PMEL: variants seen among roughly 807,000 people sequenced by gnomAD.
The protein encoded by PMEL is premelanosome protein.
PMEL carries 53 observed loss-of-function variants against 64.9 expected under a neutral mutation model. That is an observed-to-expected ratio of 0.82 (90% CI 0.66 to 1.03). The LOEUF (loss-of-function observed/expected upper bound fraction) is 1.03. Among genes scored for constraint, PMEL ranks in the 50% least tolerant of loss-of-function variants. PMEL has a pLI of 0.00. For missense variants in PMEL, 716 were observed against 814.9 expected (o/e 0.88, Z 1.48); for synonymous variants, 299 against 316.2 (o/e 0.95, Z 0.58).
chr12:55,958,155 A>G, intron 4 of PMEL, 71 bp from the exon 5 acceptor site: 1 of 1,506,674 alleles, frequency 6.6e-7, no homozygotes, highest in Non-Finnish European at 9.1e-7. Context: ...ACAGGCTTCG[A>G]AACGGCACTG....
chr12:55,957,098 G>A lies in PMEL; in HGVS notation c.1205C>T (p.Pro402Leu). The A allele has an allele frequency of 6.2e-7, 1 of 1,614,214 alleles. No homozygotes were observed. The highest frequency in any genetic ancestry group is 8.5e-7 in the Non-Finnish European group (1 of 1,180,044). ...AAGCACCACAATTGATACCTCTGCAGGTGTCATACCTGTAGCCTCTGGAGT... is the reference window on the plus strand; with the variant it reads ...AAGCACCACAATTGATACCTCTGCAAGTGTCATACCTGTAGCCTCTGGAGT... The part of the protein sequence containing the change: ...MSTPEATGMT[P>L]AEVSIVVLSG... The change falls in exon 6 of 11, where the codon CCT (proline) becomes CTT (leucine). Residue 402 changes from proline to leucine, a missense_variant. Transcript: ENST00000548747.
Position 55,961,740 on chromosome 12 carries a change from GA to G in PMEL, c.77-9del. The G allele has an allele frequency of 6.3e-7, 1 of 1,597,568 alleles. No homozygotes were observed. The highest frequency in any genetic ancestry group is 8.6e-7 in the Non-Finnish European group (1 of 1,164,926). Reference sequence around the variant, plus strand: ...AGTCCTGGTTTCTGGGTACTAAAAGGAATGTGCCATGAAGGGCCCTAGGATC... The same window carrying G: ...AGTCCTGGTTTCTGGGTACTAAAAGGATGTGCCATGAAGGGCCCTAGGATC... On this transcript the variant is annotated splice_polypyrimidine_tract_variant and intron_variant, in intron 1 of 10. Coordinates refer to ENST00000548747, the MANE Select transcript of PMEL (RefSeq NM_001384361.1).
At chr12:55,966,094 C>T (rs2069391), upstream of PMEL, 121,724 of 1,604,622 alleles carry the variant, frequency 0.076, 4,920 homozygotes, top group African/African-American at 0.09. Flanking sequence ...ATTTGCATAG[C>T]CCTTCCTCTT....
intron 1 of PMEL, among the ~76,000 whole-genome samples, chr12:55,962,835 T>G (rs1348967456): frequency 6.6e-6 from 1 of 151,870 alleles, no homozygotes; most frequent in Non-Finnish European, 1.5e-5. Flanking sequence ...CTCGCCTGTT[T>G]TGTTTTAAAT....
At chr12:55,958,449 T>C (rs368185193) in intron 4 of PMEL, 24 bp downstream of exon 4, 3 of 1,610,038 alleles carry the variant, frequency 1.9e-6, no homozygotes, top group Non-Finnish European at 2.5e-6. Context: ...GTGTGGATGA[T>C]AGGCTGAGAA....
intron 4 of PMEL, 101 bp downstream of exon 4, chr12:55,958,372 A>G (rs1423659361): frequency 8.2e-7 from 1 of 1,219,748 alleles, no homozygotes; most frequent in Non-Finnish European, 1.2e-6. Flanking sequence ...ATTAGAGAAA[A>G]TCACAGAAGT....
At position 55,957,244 on chromosome 12, in the gene PMEL, C is replaced by T; in HGVS notation, c.1059G>A (p.Val353=). 5 of 1,614,146 alleles carry T rather than the reference C, an allele frequency of 3.1e-6. No individual in the cohort carries two copies. The highest frequency in any genetic ancestry group is 3.3e-5 in the Admixed American group (2 of 60,028). The change falls in exon 6 of 11, where the codon GTG becomes GTA. Residue 353 remains valine (V), a synonymous_variant. Coordinates refer to ENST00000548747, the MANE Select transcript of PMEL (RefSeq NM_001384361.1). ...CAGTGCTTATGACTTCAGTGGTTGG[C>T]ACCTGCACAGATGTGGTTCCAGAGG... The part of the protein sequence containing the change: ...AEPSGTTSVQ[V]PTTEVISTAP...
intron 3 of PMEL, among the ~76,000 whole-genome samples, chr12:55,959,568 T>A (rs960965393): frequency 4.6e-5 from 7 of 151,314 alleles, no homozygotes; most frequent in African/African-American, 7.3e-5. Context: ...ACTTTGGGAG[T>A]CTGAAGCGGT....
chr12:55,955,258 G>A lies in PMEL; in HGVS notation c.1850+16C>T. 6.4e-7 allele frequency: 1 copy of A among 1,552,408 alleles called. No homozygotes were observed. The highest frequency in any genetic ancestry group is 8.9e-7 in the Non-Finnish European group (1 of 1,125,838). On this transcript the variant is annotated intron_variant, in intron 10 of 10. Coordinates refer to ENST00000548747, the MANE Select transcript of PMEL (RefSeq NM_001384361.1). ...TAAGGGATAAGGGGGTCTGAGCTGT[G>A]TGATGAGGCCCTTACCTATATATCA...
Position 55,957,664 on chromosome 12 carries a change from C to T in PMEL, c.639G>A (p.Val213=). 1 of 1,610,104 alleles carries T rather than the reference C, an allele frequency of 6.2e-7. No homozygotes were observed. The highest frequency in any genetic ancestry group is 8.5e-7 in the Non-Finnish European group (1 of 1,177,978). The change falls in exon 6 of 11, where the codon GTG becomes GTA. Residue 213 remains valine, a synonymous_variant. Transcript: ENST00000548747. ...SSSAFTITDQ[V]PFSVSVSQLR... is the part of the protein sequence containing the mutation. Reference sequence around the variant, plus strand: ...ACTGGGACACGCTCACGGAGAAAGGCACCTGGTCTGGGATTGGAGCCAGAA... The same window carrying T: ...ACTGGGACACGCTCACGGAGAAAGGTACCTGGTCTGGGATTGGAGCCAGAA...
chr12:55,956,185 G>A lies in PMEL; in HGVS notation c.1389C>T (p.Thr463=), dbSNP rs1888879628. The A allele has an allele frequency of 1.9e-6, 3 of 1,614,056 alleles. No individual in the cohort carries two copies. Among genetic ancestry groups the A allele is most frequent in the African/African-American group, 2.7e-5 (2 of 75,054 alleles). The stretch of plus-strand genomic sequence containing the variant: ...GGACTTGTCTCTTCACCAGCCTTAA[G>A]GTGGCTGTACCATCCAGCAGGGGGC... ...SLGPLLDGTA[T]LRLVKRQVPL... Residue 463 remains threonine, a synonymous_variant, in exon 7 of 11, where the codon ACC becomes ACT. Coordinates refer to ENST00000548747, the MANE Select transcript of PMEL (RefSeq NM_001384361.1).
intron 6 of PMEL, 42 bp downstream of exon 6, chr12:55,956,892 ACAGAGTAGAGTAGGG>A (rs1888903235): frequency 3.8e-6 from 6 of 1,563,446 alleles, no homozygotes; most frequent in Non-Finnish European, 4.4e-6. Context: ...GGTAAGACTT[ACAGAGTAGAGTAGGG>A]TACCCCACCT....
chr12:55,959,521 G>A (rs1889021186), intron 3 of PMEL, among the ~76,000 whole-genome samples: 1 of 151,770 alleles, frequency 6.6e-6, no homozygotes. Flanking sequence ...ACAGCACTAG[G>A]GGGCCAGGCG....
upstream of PMEL, chr12:55,966,096 C>T (rs1889291215): frequency 8.1e-6 from 13 of 1,603,846 alleles, no homozygotes; most frequent in Admixed American, 2.1e-4. Flanking sequence ...TTGCATAGCC[C>T]TTCCTCTTCT....
At position 55,956,123 on chromosome 12, in the gene PMEL, G is replaced by A. The variant is rs1305865244; in HGVS notation, c.1451C>T (p.Ser484Phe). The change falls in exon 7 of 11, where the codon TCC (serine) becomes TTC (phenylalanine). Residue 484 changes from serine (S) to phenylalanine (F), a missense_variant. By Grantham distance (155) the Ser-to-Phe change is radical. Transcript: ENST00000548747. ...DCVLYRYGSF[S>F]VTLDIVQGIE... ...CTCACGGACAATGTCCAGGGTGACG[G>A]AAAAGGAACCATATCGATACAGAAC... 1.2e-6 allele frequency: 2 copies of A among 1,612,944 alleles called. No individual in the cohort carries two copies. The highest frequency in any genetic ancestry group is 2.2e-5 in the East Asian group (1 of 44,876).
Position 55,954,278 on chromosome 12 carries a change from G to T in PMEL, c.1922C>A (p.Pro641His), listed in dbSNP as rs1888736527. ...PHSSSHWLRL[P>H]RIFCSCPIGE... is the part of the protein sequence containing the mutation. The stretch of plus-strand genomic sequence containing the variant: ...AATGGGACAAGAGCAGAAGATGCGG[G>T]GTAGACGCAGCCAGTGACTGCTGCT... Residue 641 changes from proline (P) to histidine (H), a missense_variant, in exon 11 of 11, where the codon CCC becomes CAC. By Grantham distance (77) the Pro-to-His change is moderately conservative. Coordinates refer to ENST00000548747, the MANE Select transcript of PMEL (RefSeq NM_001384361.1). 6.2e-7 allele frequency: 1 copy of T among 1,613,754 alleles called. No individual in the cohort carries two copies.
chr12:55,965,910 G>T (rs764629717), intron 1 of PMEL, 26 bp downstream of exon 1: 5 of 1,613,792 alleles, frequency 3.1e-6, no homozygotes. Context: ...GTTCACACCT[G>T]CTCATGTCCA....
At chr12:55,966,374 A>C, upstream of PMEL, 1 of 246,816 alleles carries the variant, frequency 4.1e-6, no homozygotes, top group Non-Finnish European at 7.9e-6. Flanking sequence ...GCATCCCAAA[A>C]CAGAGACAGT....
At chr12:55,965,322 A>C (rs1592778023) in intron 1 of PMEL, among the ~76,000 whole-genome samples, 1 of 152,170 alleles carries the variant, frequency 6.6e-6, no homozygotes, top group African/African-American at 2.4e-5. Flanking sequence ...GAACAAGAGA[A>C]GTCATAAGAT....
Sources: gnomAD v4.1 joint callset for allele counts (sites outside exome capture counted in the v4.1 genomes callset) on GRCh38, gnomAD v4.1.1 for gene constraint, MANE v1.5 for transcripts, NCBI Gene and HGNC (gene_info 2026-07-23, HGNC 2026-07-21) for gene names.